Variants in RAP1B observed in about 807,000 individuals in gnomAD.
The protein encoded by RAP1B is RAP1B, member of RAS oncogene family.
In RAP1B, 1 loss-of-function variant was observed where a neutral mutation model predicts 27.5. The observed-to-expected ratio is 0.04, with a 90% CI of 0.01 to 0.17. The LOEUF (loss-of-function observed/expected upper bound fraction) is 0.17. Among genes scored for constraint, RAP1B ranks in the 10% least tolerant of loss-of-function variants. The pLI, the probability that RAP1B is intolerant of heterozygous loss-of-function variation, is 1.00. For missense variants in RAP1B, 84 were observed against 214.8 expected (o/e 0.39, Z 3.81); for synonymous variants, 75 against 73.1 (o/e 1.03, Z -0.13).
intron 1 of RAP1B, among the ~76,000 whole-genome samples, chr12:68,633,684 TGTG>T (rs534698648): frequency 3.0e-4 from 45 of 152,018 alleles, no homozygotes; most frequent in Non-Finnish European, 5.6e-4. Flanking sequence ...GCCTGGCCAA[TGTG>T]GTGAAACCCC....
chr12:68,645,026 G>A (rs1205912810), intron 1 of RAP1B, among the ~76,000 whole-genome samples: 1 of 152,172 alleles, frequency 6.6e-6, no homozygotes, highest in Non-Finnish European at 1.5e-5. Flanking sequence ...TGACGAGTAT[G>A]TGCAAGGTGT....
At chr12:68,627,390 A>C (rs1871879427) in intron 1 of RAP1B, 1 of 608,198 alleles carries the variant, frequency 1.6e-6, no homozygotes, top group African/African-American at 1.8e-5. Flanking sequence ...GTGTTTTTTA[A>C]AACACACAAA....
At chr12:68,611,246 G>C (rs1870551259) in intron 1 of RAP1B, among the ~76,000 whole-genome samples, 1 of 148,722 alleles carries the variant, frequency 6.7e-6, no homozygotes, top group Admixed American at 6.7e-5. Context: ...TGCCTTGCGG[G>C]CCGGCGAGGA....
chr12:68,617,630 A>G (rs1312271203), intron 1 of RAP1B, among the ~76,000 whole-genome samples: 1 of 152,212 alleles, frequency 6.6e-6, no homozygotes, highest in Non-Finnish European at 1.5e-5. Context: ...TTTAAAGCAA[A>G]ATGTGTACTT....
intron 1 of RAP1B, among the ~76,000 whole-genome samples, chr12:68,642,099 G>A (rs1048812293): frequency 6.6e-6 from 1 of 152,160 alleles, no homozygotes. Flanking sequence ...TCCCTCATTA[G>A]TTGGTATAAT....
At chr12:68,623,576 T>C (rs1871531824) in intron 1 of RAP1B, among the ~76,000 whole-genome samples, 1 of 152,224 alleles carries the variant, frequency 6.6e-6, no homozygotes, top group African/African-American at 2.4e-5. Flanking sequence ...ACATGGATAG[T>C]CACATTAAGT....
chr12:68,625,423 AATT>A (rs1276601543), intron 1 of RAP1B, among the ~76,000 whole-genome samples: 4 of 152,248 alleles, frequency 2.6e-5, no homozygotes, highest in East Asian at 3.8e-4. Flanking sequence ...GAGATACTAA[AATT>A]ATTATTAGAG....
intron 1 of RAP1B, among the ~76,000 whole-genome samples, chr12:68,647,272 C>T (rs1203372694): frequency 2.7e-5 from 4 of 148,304 alleles, no homozygotes; most frequent in South Asian, 2.4e-4. Flanking sequence ...TGGTGGCTCA[C>T]GCCTGTAATC....
intron 5 of RAP1B, among the ~76,000 whole-genome samples, chr12:68,655,339 A>G (rs1874126093): frequency 6.6e-6 from 1 of 151,524 alleles, no homozygotes; most frequent in Admixed American, 6.6e-5. Context: ...CATAAATAAG[A>G]CTCATTGTAC....
At chr12:68,637,240 C>T (rs1872687254) in intron 1 of RAP1B, among the ~76,000 whole-genome samples, 1 of 152,094 alleles carries the variant, frequency 6.6e-6, no homozygotes, top group African/African-American at 2.4e-5. Context: ...AAACAGTGTA[C>T]ATTCTTAATC....
At chr12:68,636,969 T>TA (rs1315016491) in intron 1 of RAP1B, among the ~76,000 whole-genome samples, 1 of 152,146 alleles carries the variant, frequency 6.6e-6, no homozygotes, top group Admixed American at 6.6e-5. Context: ...CTACTTTTTT[T>TA]AATGCCAAGA....
intron 1 of RAP1B, among the ~76,000 whole-genome samples, chr12:68,636,251 GA>G (rs1251603863): frequency 6.6e-6 from 1 of 152,108 alleles, no homozygotes; most frequent in East Asian, 1.9e-4. Context: ...GCTTTTCAAG[GA>G]TTTGATTCTT....
At chr12:68,630,749 C>A (rs567750573) in intron 1 of RAP1B, among the ~76,000 whole-genome samples, 1 of 152,126 alleles carries the variant, frequency 6.6e-6, no homozygotes, top group South Asian at 2.1e-4. Flanking sequence ...GCTGTCACAG[C>A]TCACTGCAAC....
intron 1 of RAP1B, among the ~76,000 whole-genome samples, chr12:68,636,008 A>G (rs1872606927): frequency 6.6e-6 from 1 of 151,358 alleles, no homozygotes; most frequent in Non-Finnish European, 1.5e-5. Flanking sequence ...CTTCCTGAGT[A>G]TCTGGGACTA....
chr12:68,629,974 A>G (rs947290853), intron 1 of RAP1B, among the ~76,000 whole-genome samples: 1 of 152,226 alleles, frequency 6.6e-6, no homozygotes, highest in African/African-American at 2.4e-5. Context: ...GAAATTTTCA[A>G]ATGTTTTTGG....
In RAP1B at chr12:68,669,283, GATA is replaced by G. The variant is rs1874977674; in HGVS notation, c.*10038_*10040del. ...AAGATCTGAACAAATACACTGGGAA[GATA>G]ATATCATAAAAATATCAATTCCCCC... On this transcript the variant is annotated 3_prime_UTR_variant, in exon 8 of 8. Transcript: ENST00000250559. 6.6e-6 allele frequency: 1 copy of G among 152,214 alleles called. No homozygotes were observed. Among genetic ancestry groups the G allele is most frequent in the Non-Finnish European group, 1.5e-5 (1 of 68,030 alleles). The allele number at this position is 152,214 out of a possible 1,614,324, so 9.4% of individuals were successfully genotyped here.
Position 68,671,422 on chromosome 12 carries a change from CAATAG to C in RAP1B, c.*12179_*12183del, listed in dbSNP as rs1455956662. ...AAGGAAAAACAGAGTGCATGCCCAT[CAATAG>C]AATAGTTGAATAAATTATGATTCAT... On this transcript the variant is annotated 3_prime_UTR_variant, in exon 8 of 8. Coordinates refer to ENST00000250559, the MANE Select transcript of RAP1B (RefSeq NM_001010942.3). 1.3e-5 allele frequency: 2 copies of C among 152,058 alleles called. No individual in the cohort carries two copies. Among genetic ancestry groups the C allele is most frequent in the Non-Finnish European group, 2.9e-5 (2 of 68,022 alleles). 9.4% of individuals were successfully genotyped at this position (152,058 alleles called of 1,614,324 possible).
chr12:68,639,199 C>A (rs1023455890), intron 1 of RAP1B, among the ~76,000 whole-genome samples: 1 of 152,130 alleles, frequency 6.6e-6, no homozygotes, highest in African/African-American at 2.4e-5. Flanking sequence ...CCCTACTTGA[C>A]CACAGTCTAT....
chr12:68,620,692 C>T (rs965345608), intron 1 of RAP1B, among the ~76,000 whole-genome samples: 4 of 151,804 alleles, frequency 2.6e-5, no homozygotes, highest in African/African-American at 9.7e-5. Context: ...TCTCGACCTC[C>T]CGGGCTCAGT....
Sources: allele counts gnomAD v4.1 joint callset (sites outside exome capture counted in the v4.1 genomes callset), GRCh38; gene constraint gnomAD v4.1.1; transcripts MANE v1.5; gene names NCBI Gene and HGNC (gene_info 2026-07-23, HGNC 2026-07-21).